SDK1: variants seen among roughly 807,000 people sequenced by gnomAD.
SDK1 encodes sidekick cell adhesion molecule 1.
SDK1 carries 157 observed loss-of-function variants against 245.5 expected under a neutral mutation model. The ratio of observed to expected loss-of-function variants is 0.64; its 90% CI spans 0.56 to 0.73. The LOEUF is 0.73. SDK1 is among the 30% of genes least tolerant of loss of function. The pLI, the probability that SDK1 is intolerant of heterozygous loss-of-function variation, is 0.00. For synonymous variants in SDK1, 1,647 were observed against 1,278.5 expected (o/e 1.29, Z -6.15); for missense variants, 3,583 against 3,002.3 (o/e 1.19, Z -4.52).
rs900836909 is a variant in SDK1, at chr7:4,158,530, G to T, written c.4708G>T (p.Ala1570Ser). ...CAGTGACTTCAGTTCAGAGACAGAG[G>T]CGGTGACCACGCTGCAGGATGGTGA... ...GDSDFSSETE[A>S]VTTLQDVPGE... is the part of the protein sequence containing the mutation. The change falls in exon 31 of 45, where the codon GCG becomes TCG. Residue 1570 changes from alanine (A) to serine (S), a missense_variant. Coordinates refer to ENST00000404826, the MANE Select transcript of SDK1 (RefSeq NM_152744.4). 10 of 1,613,492 alleles carry T rather than the reference G, an allele frequency of 6.2e-6. No individual in the cohort carries two copies. The highest frequency in any genetic ancestry group is 8.5e-6 in the Non-Finnish European group (10 of 1,179,888).
At chr7:3,489,191 G>A (rs1357168449) in intron 1 of SDK1, among the ~76,000 whole-genome samples, 2 of 152,118 alleles carry the variant, frequency 1.3e-5, no homozygotes, top group Admixed American at 6.6e-5. Context: ...GGTGCAGGCA[G>A]GTACAGGGAA....
At chr7:3,821,135 A>G (rs1180540165) in intron 4 of SDK1, among the ~76,000 whole-genome samples, 1 of 152,168 alleles carries the variant, frequency 6.6e-6, no homozygotes, top group Non-Finnish European at 1.5e-5. Flanking sequence ...GCATTCTCAG[A>G]GGAGGAACCT....
At chr7:4,076,928 G>T in intron 20 of SDK1, 70 bp from the exon 21 acceptor site, 1 of 1,356,144 alleles carries the variant, frequency 7.4e-7, no homozygotes, top group Non-Finnish European at 1.0e-6. Context: ...TGCAACGATG[G>T]TGCTGTGGAA....
At chr7:3,427,902 C>T (rs530011125) in intron 1 of SDK1, among the ~76,000 whole-genome samples, 3 of 124,148 alleles carry the variant, frequency 2.4e-5, no homozygotes, top group South Asian at 2.4e-4. Flanking sequence ...TCTTAGATGT[C>T]GTTAGTGTCT....
chr7:3,744,052 T>C (rs1169549046), intron 4 of SDK1, among the ~76,000 whole-genome samples: 5 of 152,182 alleles, frequency 3.3e-5, no homozygotes, highest in Non-Finnish European at 1.5e-5. Flanking sequence ...CTCAAGTCTT[T>C]GCCATCTCTC....
In SDK1 at chr7:4,175,834, C is replaced by T. The variant is rs368381587; in HGVS notation, c.4996C>T (p.His1666Tyr). Reference protein sequence around the residue: ...SSTSTMCELTHLKKYRRYEVI... With the variant: ...SSTSTMCELTYLKKYRRYEVI... ...CACATCGACGATGTGTGAACTAACA[C>T]GTAAGTGCGCTCTCAGCGGGAGGCC... Residue 1666 changes from histidine (H) to tyrosine (Y), a missense_variant and splice_region_variant, in exon 34 of 45, where the codon CAT (histidine) becomes TAT (tyrosine). His to Tyr is a moderately conservative substitution (Grantham distance 83). Transcript: ENST00000404826. The T allele has an allele frequency of 7.9e-5, 128 of 1,612,694 alleles. 1 individual carries two copies. The highest frequency in any genetic ancestry group is 2.6e-4 in the South Asian group (24 of 91,084).
At position 4,245,820 on chromosome 7, in the gene SDK1, C is replaced by G; in HGVS notation, c.6381+15C>G. Reference sequence around the variant, plus strand: ...CAGAATCTGAGGTCAGTGTCGGTGCCTACTTCCGGGCAGTGACCATCAGCC... The same window carrying G: ...CAGAATCTGAGGTCAGTGTCGGTGCGTACTTCCGGGCAGTGACCATCAGCC... On this transcript the variant is annotated intron_variant, in intron 44 of 44. Coordinates refer to ENST00000404826, the MANE Select transcript of SDK1 (RefSeq NM_152744.4). The G allele has an allele frequency of 6.2e-7, 1 of 1,613,538 alleles. No homozygotes were observed. Among genetic ancestry groups the G allele is most frequent in the South Asian group, 1.1e-5 (1 of 91,036 alleles).
chr7:4,176,587 T>C (rs1301613298), intron 34 of SDK1, among the ~76,000 whole-genome samples: 1 of 152,236 alleles, frequency 6.6e-6, no homozygotes, highest in Non-Finnish European at 1.5e-5. Context: ...GTCACCATCA[T>C]TCTCCAGAAC....
chr7:3,866,633 C>T (rs1469681325), intron 5 of SDK1, among the ~76,000 whole-genome samples: 3 of 152,124 alleles, frequency 2.0e-5, no homozygotes. Context: ...AGGTCGTGGA[C>T]TCCCCTGCCC....
At chr7:3,557,945 A>G (rs560630508) in intron 1 of SDK1, among the ~76,000 whole-genome samples, 2 of 152,124 alleles carry the variant, frequency 1.3e-5, no homozygotes, top group South Asian at 2.1e-4. Context: ...ATGCTTGTAC[A>G]TTGTCTTTAA....
At chr7:4,157,362 A>C in intron 30 of SDK1, among the ~76,000 whole-genome samples, 1 of 123,148 alleles carries the variant, frequency 8.1e-6, no homozygotes. Flanking sequence ...GGAAAGTGGG[A>C]AGGGAGGAAG....
intron 5 of SDK1, among the ~76,000 whole-genome samples, chr7:3,905,310 C>T (rs904735377): frequency 5.3e-5 from 8 of 151,988 alleles, no homozygotes; most frequent in Non-Finnish European, 5.9e-5. Context: ...AATATTTGTG[C>T]ATTATTTTTG....
intron 1 of SDK1, among the ~76,000 whole-genome samples, chr7:3,347,197 C>T (rs1053034233): frequency 6.6e-6 from 1 of 151,948 alleles, no homozygotes; most frequent in African/African-American, 2.4e-5. Context: ...CTTCCAAGAA[C>T]TCTTCTCCAG....
intron 1 of SDK1, among the ~76,000 whole-genome samples, chr7:3,523,746 A>G (rs778505035): frequency 9.0e-4 from 137 of 152,326 alleles, no homozygotes; most frequent in Non-Finnish European, 1.6e-3. Context: ...TAATCGATTA[A>G]TAATAGCAAA....
chr7:4,059,320 T>G (rs891659718), intron 19 of SDK1, among the ~76,000 whole-genome samples: 2 of 152,138 alleles, frequency 1.3e-5, no homozygotes, highest in African/African-American at 4.8e-5. Context: ...TAAAATACTT[T>G]AAGTAAAAAA....
At chr7:3,943,624 C>T (rs1292703691) in intron 5 of SDK1, among the ~76,000 whole-genome samples, 3 of 151,486 alleles carry the variant, frequency 2.0e-5, no homozygotes, top group Admixed American at 2.0e-4. Context: ...GCGCACGGTG[C>T]GGGGCTGCCG....
chr7:3,402,110 G>A (rs1778903917), intron 1 of SDK1, among the ~76,000 whole-genome samples: 2 of 152,180 alleles, frequency 1.3e-5, no homozygotes, highest in South Asian at 2.1e-4. Context: ...CACAGATAGA[G>A]CAATGTCACA....
chr7:4,241,660 A>AG, intron 42 of SDK1, 133 bp from the exon 43 acceptor site: 3 of 1,039,436 alleles, frequency 2.9e-6, no homozygotes, highest in Non-Finnish European at 4.2e-6. Flanking sequence ...GCACAGCTGA[A>AG]GCAGGTATCC....
At chr7:3,537,656 C>T (rs989174818) in intron 1 of SDK1, among the ~76,000 whole-genome samples, 1 of 152,192 alleles carries the variant, frequency 6.6e-6, no homozygotes, top group African/African-American at 2.4e-5. Context: ...AGATACTGTT[C>T]TAAGCAGGCT....
Sources: gnomAD v4.1 joint callset for allele counts (sites outside exome capture counted in the v4.1 genomes callset) on GRCh38, gnomAD v4.1.1 for gene constraint, MANE v1.5 for transcripts, NCBI Gene and HGNC (gene_info 2026-07-23, HGNC 2026-07-21) for gene names.